The following NAALADL2 variants were observed in gnomAD, a reference collection of about 807,000 sequenced individuals.
The protein encoded by NAALADL2 is inactive N-acetylated-alpha-linked acidic dipeptidase-like protein 2.
In NAALADL2, 76 loss-of-function variants were observed where a neutral mutation model predicts 87.2. The observed-to-expected ratio is 0.87, with a 90% CI of 0.72 to 1.05. The LOEUF (loss-of-function observed/expected upper bound fraction) is 1.05. NAALADL2 is among the 50% of genes least tolerant of loss of function. The probability of loss-of-function intolerance (pLI) is 0.00; values close to 1 mark genes in which losing one functional copy is unlikely to be tolerated. For synonymous variants in NAALADL2, 354 were observed against 331.0 expected (o/e 1.07, Z -0.75); for missense variants, 1,089 against 945.8 (o/e 1.15, Z -1.99).
At chr3:174,695,828 C>A (rs1728964446) in intron 2 of NAALADL2, among the ~76,000 whole-genome samples, 1 of 151,888 alleles carries the variant, frequency 6.6e-6, no homozygotes, top group African/African-American at 2.4e-5. Flanking sequence ...TGAAAATATG[C>A]CCAATATCAT....
chr3:175,366,308 T>A (rs567451350), intron 5 of NAALADL2, among the ~76,000 whole-genome samples: 11,965 of 151,298 alleles, frequency 0.079, 612 homozygotes, highest in Non-Finnish European at 0.12. Flanking sequence ...GAATAGTGCC[T>A]CAATAAACAT....
At chr3:174,669,589 C>T (rs1726326022) in intron 2 of NAALADL2, among the ~76,000 whole-genome samples, 1 of 152,032 alleles carries the variant, frequency 6.6e-6, no homozygotes, top group Non-Finnish European at 1.5e-5. Flanking sequence ...TATTCTGTTT[C>T]ATTGATCTGT....
intron 2 of NAALADL2, among the ~76,000 whole-genome samples, chr3:174,714,342 T>G (rs1361581303): frequency 6.6e-6 from 1 of 152,140 alleles, no homozygotes; most frequent in African/African-American, 2.4e-5. Context: ...GTGAAGAAAG[T>G]CGTTGGTAGC....
intron 1 of NAALADL2, among the ~76,000 whole-genome samples, chr3:174,456,397 A>C (rs1203184641): frequency 7.0e-6 from 1 of 142,340 alleles, no homozygotes; most frequent in African/African-American, 2.7e-5. Flanking sequence ...ATCAACAGCC[A>C]AGGCAATCCT....
intron 13 of NAALADL2, among the ~76,000 whole-genome samples, chr3:175,765,344 G>C (rs1051664325): frequency 1.3e-5 from 2 of 151,902 alleles, no homozygotes; most frequent in African/African-American, 4.8e-5. Flanking sequence ...ATTTCTAAAA[G>C]GAGCAGAAAA....
intron 11 of NAALADL2, among the ~76,000 whole-genome samples, chr3:175,693,573 G>A (rs1367973607): frequency 1.3e-5 from 2 of 152,128 alleles, no homozygotes; most frequent in Non-Finnish European, 2.9e-5. Context: ...CTAGGGAAGA[G>A]ACTGACAAGA....
At chr3:175,722,908 A>G (rs113998173) in intron 11 of NAALADL2, among the ~76,000 whole-genome samples, 324 of 152,256 alleles carry the variant, frequency 2.1e-3, no homozygotes, top group African/African-American at 7.5e-3. Context: ...AAGAGTGAAC[A>G]GCCATATGAT....
Position 175,362,265 on chromosome 3 carries a change from T to C in NAALADL2, c.1090+37940T>C, listed in dbSNP as rs1236923577. Among the ~76,000 whole-genome samples the C allele has an allele frequency of 1.3e-5, 2 of 148,390 alleles. 1 individual carries two copies. Among genetic ancestry groups the C allele is most frequent in the Admixed American group, 1.4e-4 (2 of 14,526 alleles). ...ACCAGTACCATGCTGTTTTGGTTACTGTAGCCTTGTTGTATAGTTTGAAGT... is the reference window on the plus strand; with the variant it reads ...ACCAGTACCATGCTGTTTTGGTTACCGTAGCCTTGTTGTATAGTTTGAAGT... On this transcript the variant is annotated intron_variant, in intron 5 of 13. Coordinates refer to ENST00000454872, the MANE Select transcript of NAALADL2 (RefSeq NM_207015.3).
intron 13 of NAALADL2, among the ~76,000 whole-genome samples, chr3:175,758,370 C>CT (rs540607090): frequency 2.6e-3 from 396 of 151,768 alleles, no homozygotes; most frequent in African/African-American, 9.0e-3. Flanking sequence ...TTCCTTAGCT[C>CT]TATTAATTTA....
At chr3:175,122,655 G>T (rs942141514) in intron 2 of NAALADL2, among the ~76,000 whole-genome samples, 1 of 151,664 alleles carries the variant, frequency 6.6e-6, no homozygotes, top group Non-Finnish European at 1.5e-5. Context: ...TCTGGGGTTT[G>T]CTTGAAGCAG....
intron 2 of NAALADL2, among the ~76,000 whole-genome samples, chr3:174,721,938 A>C (rs1731747464): frequency 6.6e-6 from 1 of 152,188 alleles, no homozygotes; most frequent in African/African-American, 2.4e-5. Context: ...ACATTCAGTC[A>C]GTTGTTACCT....
Position 174,800,588 on chromosome 3 carries a change from T to TC in NAALADL2, c.-9+62849dup, listed in dbSNP as rs576609578. 3.3e-3 allele frequency among the ~76,000 whole-genome samples: 508 copies of TC among 151,796 alleles called. 2 individuals carry two copies. The highest frequency in any genetic ancestry group is 0.014 in the Middle Eastern group (4 of 292). ...AAGGGAGATGTGGGTTTGGAGCCCC[T>TC]CCCCCCCAACAGAGTCCCTACTGGG... On this transcript the variant is annotated intron_variant, in intron 3 of 3. Coordinates refer to the NAALADL2 transcript ENST00000434257.
chr3:175,412,924 A>ATTATTATTATTC (rs1445481611), intron 5 of NAALADL2, among the ~76,000 whole-genome samples: 2 of 145,654 alleles, frequency 1.4e-5, no homozygotes, highest in African/African-American at 5.0e-5. Context: ...TATTATTATT[A>ATTATTATTATTC]TTATTTTTGA....
At chr3:174,902,905 T>C (rs138949794) in intron 1 of NAALADL2, among the ~76,000 whole-genome samples, 194 of 152,160 alleles carry the variant, frequency 1.3e-3, no homozygotes, top group African/African-American at 4.3e-3. Context: ...AACAAGAAGA[T>C]TGGACAGAAA....
Position 175,051,555 on chromosome 3 carries a change from A to G in NAALADL2, c.44-45235A>G, listed in dbSNP as rs1560517025. ...TGCACTGGCAGTCAGTATCATAGCA[A>G]CTTTCTTCTTCAAGGTCAGCAGAAG... On this transcript the variant is annotated intron_variant, in intron 1 of 13. Transcript: ENST00000454872. Among the ~76,000 whole-genome samples, 4 of 152,298 alleles carry G rather than the reference A, an allele frequency of 2.6e-5. No individual in the cohort carries two copies. The East Asian group carries it at 7.7e-4, about 29-fold the overall frequency.
chr3:175,679,292 AAAAG>A, intron 11 of NAALADL2, among the ~76,000 whole-genome samples: 1 of 152,132 alleles, frequency 6.6e-6, no homozygotes, highest in South Asian at 2.1e-4. Flanking sequence ...AAAAAAAAAA[AAAAG>A]AATGTTATGC....
chr3:175,654,839 T>A (rs1270536774), intron 11 of NAALADL2, among the ~76,000 whole-genome samples: 1 of 152,204 alleles, frequency 6.6e-6, no homozygotes, highest in East Asian at 1.9e-4. Context: ...CATCCTAGCA[T>A]TACCAGGGAA....
At chr3:174,658,397 A>T (rs1725183209) in intron 2 of NAALADL2, among the ~76,000 whole-genome samples, 1 of 152,064 alleles carries the variant, frequency 6.6e-6, no homozygotes, top group African/African-American at 2.4e-5. Flanking sequence ...TCATGTGCTT[A>T]TTGGCCATGT....
chr3:175,742,599 G>A (rs62286109), intron 12 of NAALADL2, among the ~76,000 whole-genome samples: 12,827 of 151,922 alleles, frequency 0.084, 549 homozygotes, highest in Middle Eastern at 0.099. Flanking sequence ...GGGTTTCACC[G>A]TGTTAGCCAG....
Sources: allele counts gnomAD v4.1 joint callset (sites outside exome capture counted in the v4.1 genomes callset), GRCh38; gene constraint gnomAD v4.1.1; transcripts MANE v1.5; gene names NCBI Gene and HGNC (gene_info 2026-07-23, HGNC 2026-07-21).